ITCH: variants seen among roughly 807,000 people sequenced by gnomAD.
The protein encoded by ITCH is itchy E3 ubiquitin protein ligase.
Under a neutral mutation model 126.8 loss-of-function variants are expected in ITCH, and 28 were observed. The observed-to-expected ratio is 0.22, with a 90% CI of 0.16 to 0.30. The LOEUF (loss-of-function observed/expected upper bound fraction) is 0.30, where lower values mean the gene tolerates loss of function less well. Among genes scored for constraint, ITCH ranks in the 10% least tolerant of loss-of-function variants. ITCH has a pLI of 1.00. For synonymous variants in ITCH, 342 were observed against 340.0 expected, an observed-to-expected ratio of 1.01 and a Z score of -0.06; for missense variants, 631 against 1,032.4, an observed-to-expected ratio of 0.61 and a Z score of 5.33.
chr20:34,436,045 G>C (rs575404796), intron 7 of ITCH, among the ~76,000 whole-genome samples: 38 of 152,274 alleles, frequency 2.5e-4, no homozygotes, highest in African/African-American at 8.9e-4. Context: ...AGATCAAAAT[G>C]TTATAAGGGT....
At chr20:34,384,057 T>A (rs1380143737) in intron 2 of ITCH, 1 of 152,308 alleles carries the variant, frequency 6.6e-6, no homozygotes, top group Non-Finnish European at 1.5e-5. Context: ...TTGGTCAGGC[T>A]GCTCTTGAAC....
intron 22 of ITCH, among the ~76,000 whole-genome samples, chr20:34,491,386 C>CAGA (rs1989498439): frequency 6.6e-6 from 1 of 152,022 alleles, no homozygotes; most frequent in South Asian, 2.1e-4. Context: ...TATGGGTTAC[C>CAGA]AGAAGTTGCA....
chr20:34,383,931 G>A (rs956365685), intron 2 of ITCH, among the ~76,000 whole-genome samples: 2 of 138,886 alleles, frequency 1.4e-5, no homozygotes, highest in South Asian at 2.3e-4. Flanking sequence ...CGCAACCTCT[G>A]CCTCCTGGGT....
rs911597699 is a variant in ITCH at position 34,476,411 on chromosome 20, C to A, written c.1570-1361C>A. ...GACCCGGCGTGGTGCAGCCACCGGC[C>A]GGCCGGGTCGCCGAGGACCGCAGAA... is the stretch of plus-strand genomic sequence containing the variant. On this transcript the variant is annotated intron_variant, in intron 16 of 24. Coordinates refer to ENST00000374864, the MANE Select transcript of ITCH (RefSeq NM_031483.7). 1.5e-5 allele frequency: 18 copies of A among 1,236,854 alleles called. No homozygotes were observed. In the African/African-American group the frequency reaches 2.7e-4, roughly 18 times the overall value. 76.6% of individuals were successfully genotyped at this position (1,236,854 alleles called of 1,614,324 possible). A position where few individuals can be genotyped will look rare whatever the true frequency, so the allele number is the denominator to read the frequency against.
chr20:34,504,291 A>G, intron 23 of ITCH, 40 bp from the exon 24 acceptor site: 1 of 1,449,114 alleles, frequency 6.9e-7, no homozygotes, highest in Non-Finnish European at 9.7e-7. Flanking sequence ...TTTGAGATCC[A>G]CTATACTAAC....
chr20:34,462,386 A>G (rs1438113509), intron 14 of ITCH, among the ~76,000 whole-genome samples, 165 bp downstream of exon 14: 1 of 151,676 alleles, frequency 6.6e-6, no homozygotes, highest in Non-Finnish European at 1.5e-5. Context: ...CCTCTTGGAT[A>G]TTTTATCCTA....
chr20:34,439,601 T>A (rs971701414), intron 8 of ITCH, among the ~76,000 whole-genome samples: 1 of 152,230 alleles, frequency 6.6e-6, no homozygotes, highest in African/African-American at 2.4e-5. Context: ...ATAATTTGAT[T>A]AATTGTATAT....
At chr20:34,449,231 C>T (rs1406403874) in intron 11 of ITCH, among the ~76,000 whole-genome samples, 180 bp from the exon 12 acceptor site, 3 of 151,700 alleles carry the variant, frequency 2.0e-5, no homozygotes, top group African/African-American at 7.3e-5. Context: ...ATGTTTGCAC[C>T]GGTTTTTTTT....
chr20:34,376,048 A>G (rs964376521), intron 2 of ITCH, among the ~76,000 whole-genome samples: 5 of 152,042 alleles, frequency 3.3e-5, no homozygotes, highest in African/African-American at 9.7e-5. Context: ...TTTTATTGTT[A>G]AATGTTGGCA....
chr20:34,364,648 A>G (rs2037338313), intron 1 of ITCH, among the ~76,000 whole-genome samples: 2 of 148,514 alleles, frequency 1.3e-5, no homozygotes. Context: ...TGGGAGGCCG[A>G]GGCGGGCAGA....
intron 14 of ITCH, among the ~76,000 whole-genome samples, chr20:34,468,932 G>A (rs191459367): frequency 1.7e-3 from 266 of 152,288 alleles, no homozygotes; most frequent in Middle Eastern, 3.4e-3. Flanking sequence ...ACTAGAACTA[G>A]TAAGTGAATT....
At position 34,471,375 on chromosome 20, in the gene ITCH, T is replaced by C; in HGVS notation, c.1498-69T>C. On this transcript the variant is annotated intron_variant, in intron 15 of 24. Transcript: ENST00000374864. The stretch of plus-strand genomic sequence containing the variant: ...GGAAAGATAAAAGTAAATAAAACTT[T>C]CCCCTTTTGATTTTTTTGATAGGCT... 1.5e-5 allele frequency: 13 copies of C among 862,922 alleles called. No individual in the cohort carries two copies. In the South Asian group the frequency reaches 1.6e-4, roughly 11 times the overall value. The allele number at this position is 862,922 out of a possible 1,614,324, so 53.5% of individuals were successfully genotyped here. A position where few individuals can be genotyped will look rare whatever the true frequency, so the allele number is the denominator to read the frequency against.
chr20:34,446,337 A>G (rs1429759032), intron 11 of ITCH, among the ~76,000 whole-genome samples: 1 of 152,198 alleles, frequency 6.6e-6, no homozygotes, highest in African/African-American at 2.4e-5. Context: ...AGAATTCATC[A>G]GAGTAAAACA....
chr20:34,388,100 CTT>C (rs533244733), intron 2 of ITCH, among the ~76,000 whole-genome samples: 27 of 137,990 alleles, frequency 2.0e-4, no homozygotes, highest in Admixed American at 1.5e-4. Context: ...CTTGTGAAGG[CTT>C]TTTTTTTTTT....
chr20:34,433,609 A>G (rs1439666167), intron 7 of ITCH, among the ~76,000 whole-genome samples: 1 of 144,870 alleles, frequency 6.9e-6, no homozygotes, highest in Non-Finnish European at 1.5e-5. Flanking sequence ...GCGAGCAGTG[A>G]TTGTGCCTAT....
intron 12 of ITCH, among the ~76,000 whole-genome samples, chr20:34,456,656 A>ATGTGTGTG (rs1443960313): frequency 1.6e-3 from 229 of 143,446 alleles, no homozygotes; most frequent in African/African-American, 5.6e-3. Context: ...ATATATATAT[A>ATGTGTGTG]TATGTGTGTG....
At chr20:34,395,138 C>T (rs1440649670) in intron 3 of ITCH, among the ~76,000 whole-genome samples, 1 of 150,710 alleles carries the variant, frequency 6.6e-6, no homozygotes, top group African/African-American at 2.4e-5. Context: ...GAGGCTGAGG[C>T]AGGAGAATCA....
intron 6 of ITCH, among the ~76,000 whole-genome samples, chr20:34,416,850 G>A (rs1156582733): frequency 1.3e-5 from 2 of 150,886 alleles, no homozygotes; most frequent in African/African-American, 4.9e-5. Context: ...CTTCAATGAA[G>A]TACAGAGTTA....
chr20:34,446,905 C>A (rs1307305583), intron 11 of ITCH, among the ~76,000 whole-genome samples: 1 of 152,124 alleles, frequency 6.6e-6, no homozygotes, highest in Non-Finnish European at 1.5e-5. Context: ...AAAATAAATA[C>A]AGATATAAAA....
Sources: allele counts gnomAD v4.1 joint callset (sites outside exome capture counted in the v4.1 genomes callset), GRCh38; gene constraint gnomAD v4.1.1; transcripts MANE v1.5; gene names NCBI Gene and HGNC (gene_info 2026-07-23, HGNC 2026-07-21).